Variants in NTRK2 observed in about 807,000 individuals in gnomAD.
NTRK2 encodes the protein neurotrophic receptor tyrosine kinase 2.
In NTRK2, 13 loss-of-function variants were observed where a neutral mutation model predicts 94.5. That is an observed-to-expected ratio of 0.14 (90% CI 0.09 to 0.22). The LOEUF is 0.22. NTRK2 is among the 10% of genes least tolerant of loss of function. The pLI, the probability that NTRK2 is intolerant of heterozygous loss-of-function variation, is 1.00. For synonymous variants in NTRK2, 372 were observed against 407.4 expected, an observed-to-expected ratio of 0.91 and a Z score of 1.05; for missense variants, 639 against 1,071.2, an observed-to-expected ratio of 0.60 and a Z score of 5.63.
At chr9:84,883,758 A>T (rs2076334527) in intron 14 of NTRK2, among the ~76,000 whole-genome samples, 1 of 152,214 alleles carries the variant, frequency 6.6e-6, no homozygotes, top group Admixed American at 6.5e-5. Context: ...AATCTATATA[A>T]TCAGCAAAAT....
intron 11 of NTRK2, among the ~76,000 whole-genome samples, chr9:84,751,662 C>T (rs1475965814): frequency 6.6e-6 from 1 of 152,198 alleles, no homozygotes; most frequent in Non-Finnish European, 1.5e-5. Context: ...CTGCCCACCT[C>T]TCTTTCTCTC....
intron 12 of NTRK2, among the ~76,000 whole-genome samples, chr9:84,768,736 G>A (rs761913260): frequency 4.6e-5 from 7 of 152,132 alleles, no homozygotes; most frequent in African/African-American, 1.2e-4. Flanking sequence ...AGAGAGCTCA[G>A]TATGGAACTG....
intron 6 of NTRK2, among the ~76,000 whole-genome samples, chr9:84,712,450 A>G (rs989559120): frequency 1.3e-5 from 2 of 152,132 alleles, no homozygotes; most frequent in African/African-American, 4.8e-5. Flanking sequence ...GAGGTTTTGA[A>G]TCTACTGTAA....
intron 12 of NTRK2, among the ~76,000 whole-genome samples, chr9:84,798,941 T>TTA (rs1554731494): frequency 6.7e-5 from 8 of 119,834 alleles, no homozygotes; most frequent in African/African-American, 2.3e-4. Flanking sequence ...TATATATATA[T>TTA]GCTTATTTAA....
In NTRK2 at chr9:84,876,815, C is replaced by G. The variant is rs940333211; in HGVS notation, c.1633+9384C>G. 3 of 1,062,012 alleles carry G rather than the reference C, an allele frequency of 2.8e-6. No individual in the cohort carries two copies. In the East Asian group the frequency reaches 1.5e-4, roughly 54 times the overall value. The allele number at this position is 1,062,012 out of a possible 1,614,324, so 65.8% of individuals were successfully genotyped here. A position where few individuals can be genotyped will look rare whatever the true frequency, so the allele number is the denominator to read the frequency against. On this transcript the variant is annotated intron_variant, in intron 14 of 18. Transcript: ENST00000277120. ...ATTTAGAAGGCTAGCCTTTCTTTTC[C>G]AAGTGCTGTCAGAATGTATACATTT...
chr9:84,920,443 A>G (rs2077526484), intron 14 of NTRK2, among the ~76,000 whole-genome samples: 1 of 152,026 alleles, frequency 6.6e-6, no homozygotes, highest in African/African-American at 2.4e-5. Context: ...TCCAGACTGG[A>G]TGTGGCAGTG....
chr9:84,816,155 A>G (rs1400291210), intron 12 of NTRK2, among the ~76,000 whole-genome samples: 2 of 152,146 alleles, frequency 1.3e-5, no homozygotes, highest in African/African-American at 4.8e-5. Context: ...TATAAACATA[A>G]TGACTTGTAC....
At chr9:84,708,000 G>T in intron 5 of NTRK2, 88 bp downstream of exon 5, 1 of 1,033,280 alleles carries the variant, frequency 9.7e-7, no homozygotes, top group Non-Finnish European at 1.5e-6. Context: ...TGATGTTGCA[G>T]ATCTATTTTT....
At chr9:84,776,574 C>A (rs1210796916) in intron 12 of NTRK2, among the ~76,000 whole-genome samples, 1 of 152,198 alleles carries the variant, frequency 6.6e-6, no homozygotes, top group Non-Finnish European at 1.5e-5. Flanking sequence ...TCTTACCCTA[C>A]TTTCAAGCTA....
intron 14 of NTRK2, among the ~76,000 whole-genome samples, chr9:84,892,391 C>T (rs563870049): frequency 8.5e-5 from 13 of 152,302 alleles, no homozygotes; most frequent in African/African-American, 3.1e-4. Flanking sequence ...AACTCTGAAA[C>T]CTGACTTCTA....
intron 17 of NTRK2, among the ~76,000 whole-genome samples, chr9:84,978,307 A>T (rs1363564778): frequency 6.6e-6 from 1 of 152,244 alleles, no homozygotes; most frequent in East Asian, 1.9e-4. Context: ...GCTCCAGTGA[A>T]CACATGAATG....
chr9:84,759,230 G>C (rs926037507), intron 12 of NTRK2, among the ~76,000 whole-genome samples: 2 of 152,226 alleles, frequency 1.3e-5, no homozygotes, highest in Non-Finnish European at 2.9e-5. Flanking sequence ...GTGTTTGTGA[G>C]GTGAGGATCT....
At chr9:84,821,962 A>C (rs2072876213) in intron 12 of NTRK2, among the ~76,000 whole-genome samples, 1 of 152,160 alleles carries the variant, frequency 6.6e-6, no homozygotes, top group Admixed American at 6.5e-5. Context: ...CAACAAAATG[A>C]AAATCTAGAA....
chr9:84,883,124 C>T (rs1424056970), intron 14 of NTRK2, among the ~76,000 whole-genome samples: 2 of 152,194 alleles, frequency 1.3e-5, no homozygotes, highest in Admixed American at 6.5e-5. Context: ...TCTATCAAAT[C>T]TGAGTGGCTA....
intron 12 of NTRK2, among the ~76,000 whole-genome samples, chr9:84,798,779 T>G (rs1158966557): frequency 1.3e-5 from 2 of 152,112 alleles, no homozygotes; most frequent in Non-Finnish European, 2.9e-5. Context: ...TAGATCTGTT[T>G]CATTCATTTG....
intron 12 of NTRK2, among the ~76,000 whole-genome samples, chr9:84,808,727 T>A (rs796787238): frequency 3.3e-5 from 5 of 152,320 alleles, no homozygotes; most frequent in African/African-American, 9.6e-5. Flanking sequence ...TTGTGGGTGA[T>A]TAAATCCATA....
chr9:84,903,604 G>A (rs1448027102), intron 14 of NTRK2, among the ~76,000 whole-genome samples: 1 of 152,138 alleles, frequency 6.6e-6, no homozygotes, highest in Admixed American at 6.5e-5. Flanking sequence ...TTCTTGGAAG[G>A]CAGAAAAATC....
At chr9:84,783,272 T>A (rs936772239) in intron 12 of NTRK2, among the ~76,000 whole-genome samples, 4 of 152,248 alleles carry the variant, frequency 2.6e-5, no homozygotes, top group Admixed American at 6.5e-5. Flanking sequence ...TATTTTTGTA[T>A]CTGTATCACA....
chr9:84,779,055 T>C (rs1189926832), intron 12 of NTRK2, among the ~76,000 whole-genome samples: 11 of 152,174 alleles, frequency 7.2e-5, no homozygotes, highest in African/African-American at 2.7e-4. Context: ...CCCTCTCCCT[T>C]GGGTAATATT....
Sources: gnomAD v4.1 joint callset for allele counts (sites outside exome capture counted in the v4.1 genomes callset) on GRCh38, gnomAD v4.1.1 for gene constraint, MANE v1.5 for transcripts, NCBI Gene and HGNC (gene_info 2026-07-23, HGNC 2026-07-21) for gene names.